CNRIP1: variants seen among roughly 807,000 people sequenced by gnomAD.
CNRIP1 encodes CB1 cannabinoid receptor-interacting protein 1.
CNRIP1 carries 10 observed loss-of-function variants against 15.2 expected under a neutral mutation model. The observed-to-expected ratio is 0.66, with a 90% CI of 0.41 to 1.12. The LOEUF is 1.12. Among genes scored for constraint, CNRIP1 ranks in the 50% most tolerant of loss-of-function variants. The pLI, the probability that CNRIP1 is intolerant of heterozygous loss-of-function variation, is 0.00. For synonymous variants in CNRIP1, 91 were observed against 83.2 expected, an observed-to-expected ratio of 1.09 and a Z score of -0.51; for missense variants, 211 against 214.7, an observed-to-expected ratio of 0.98 and a Z score of 0.11.
intron 2 of CNRIP1, among the ~76,000 whole-genome samples, chr2:68,296,188 T>C (rs1367803234): frequency 3.9e-5 from 6 of 152,362 alleles, no homozygotes. Flanking sequence ...AAGTATTTAA[T>C]ACAGTTTTTA....
intron 2 of CNRIP1, among the ~76,000 whole-genome samples, chr2:68,301,436 T>C (rs537738199): frequency 2.6e-4 from 40 of 152,046 alleles, no homozygotes; most frequent in Non-Finnish European, 5.1e-4. Context: ...AAAGACCGAG[T>C]GGTTTCCCTG....
At chr2:68,318,892 C>T (rs1261592773) in intron 1 of CNRIP1, among the ~76,000 whole-genome samples, 3 of 152,256 alleles carry the variant, frequency 2.0e-5, no homozygotes, top group African/African-American at 7.2e-5. Context: ...CCACCCCGAC[C>T]GCCTGCGGTT....
rs1193368616 is a variant in CNRIP1 at position 68,293,825 on chromosome 2, T to C, written c.*37A>G. 13 of 1,600,352 alleles carry C rather than the reference T, an allele frequency of 8.1e-6. No homozygotes were observed. The highest frequency in any genetic ancestry group is 1.3e-5 in the African/African-American group (1 of 74,424). On this transcript the variant is annotated 3_prime_UTR_variant, in exon 3 of 3. Coordinates refer to ENST00000263655, the MANE Select transcript of CNRIP1 (RefSeq NM_015463.3). ...GCTGGTTTATCTAAAAGTAGATTTC[T>C]GAAAAGATTGTCCAGTAGCATCAGA...
At chr2:68,284,566 C>T (rs1670981528) in intron 2 of CNRIP1, 1 of 843,476 alleles carries the variant, frequency 1.2e-6, no homozygotes, top group East Asian at 2.8e-5. Flanking sequence ...AATCCCAGCA[C>T]TTTGGGAGGC....
intron 2 of CNRIP1, among the ~76,000 whole-genome samples, chr2:68,298,404 G>A (rs1671468420): frequency 6.6e-6 from 1 of 152,014 alleles, no homozygotes; most frequent in African/African-American, 2.4e-5. Context: ...CTAGGTAACA[G>A]AGAAACAACA....
chr2:68,310,712 T>TAAAA (rs34235316), intron 2 of CNRIP1, among the ~76,000 whole-genome samples: 3 of 144,952 alleles, frequency 2.1e-5, no homozygotes, highest in Admixed American at 6.8e-5. Flanking sequence ...TGACCCATAT[T>TAAAA]AAAAAAAAAA....
rs182132918 is a variant in CNRIP1 at position 68,287,741 on chromosome 2, G to T, written c.331-3257C>A. 1.9e-3 allele frequency among the ~76,000 whole-genome samples: 291 copies of T among 152,336 alleles called. 1 individual carries two copies. Among genetic ancestry groups the T allele is most frequent in the African/African-American group, 6.7e-3 (280 of 41,576 alleles). ...CATTGGCCAGAGCTACCAGCACATG[G>T]CCTTAGCCCAGGCCATGGAGGTCAG... On this transcript the variant is annotated intron_variant, in intron 2 of 2. Coordinates refer to the CNRIP1 transcript ENST00000409559.
chr2:68,285,668 A>AAAAGAAAG (rs1553413242), intron 2 of CNRIP1, among the ~76,000 whole-genome samples: 3 of 124,458 alleles, frequency 2.4e-5, no homozygotes, highest in East Asian at 4.5e-4. Flanking sequence ...AAAAAAAAAA[A>AAAAGAAAG]AAAAGAAAAG....
intron 2 of CNRIP1, among the ~76,000 whole-genome samples, chr2:68,310,648 C>A (rs1296796685): frequency 1.3e-5 from 2 of 149,992 alleles, no homozygotes; most frequent in African/African-American, 2.5e-5. Context: ...AAACTATCCA[C>A]AATGTTAAGT....
intron 2 of CNRIP1, among the ~76,000 whole-genome samples, chr2:68,287,044 C>T (rs1293742847): frequency 6.6e-6 from 1 of 152,100 alleles, no homozygotes; most frequent in Non-Finnish European, 1.5e-5. Flanking sequence ...AAAACTAGGT[C>T]AGTCATAATT....
intron 2 of CNRIP1, among the ~76,000 whole-genome samples, chr2:68,297,940 A>G (rs1213746787): frequency 2.0e-5 from 3 of 152,188 alleles, no homozygotes; most frequent in Admixed American, 6.5e-5. Flanking sequence ...AAGTAAAGAA[A>G]TTGAATTTTT....
intron 1 of CNRIP1, among the ~76,000 whole-genome samples, chr2:68,317,852 T>G (rs746226561): frequency 5.9e-5 from 9 of 152,176 alleles, no homozygotes; most frequent in Admixed American, 2.6e-4. Context: ...AGCATCTGTG[T>G]TTTAACAAGC....
rs987311306 is a variant in CNRIP1 at position 68,310,242 on chromosome 2, C to T, written c.330+6915G>A. Among the ~76,000 whole-genome samples, 10 of 152,304 alleles carry T rather than the reference C, an allele frequency of 6.6e-5. No homozygotes were observed. In the East Asian group the frequency reaches 1.4e-3, roughly 21 times the overall value. Reference sequence around the variant, plus strand: ...ACTCTGGCGGCTGAGGCAGGAGAATCGCTTGAACCTGGGAGGTGGAGGCTG... The same window carrying T: ...ACTCTGGCGGCTGAGGCAGGAGAATTGCTTGAACCTGGGAGGTGGAGGCTG... On this transcript the variant is annotated intron_variant, in intron 2 of 2. Coordinates refer to ENST00000263655, the MANE Select transcript of CNRIP1 (RefSeq NM_015463.3).
chr2:68,311,058 C>A (rs1287252229), intron 2 of CNRIP1, among the ~76,000 whole-genome samples: 3 of 151,934 alleles, frequency 2.0e-5, no homozygotes, highest in Non-Finnish European at 2.9e-5. Flanking sequence ...TAATACCAAG[C>A]TTTTCAACAT....
At chr2:68,288,015 C>A (rs1671073002), downstream of CNRIP1, among the ~76,000 whole-genome samples, 7 of 152,192 alleles carry the variant, frequency 4.6e-5, 1 homozygote, top group South Asian at 1.5e-3. Flanking sequence ...AGAACTAACC[C>A]CGTAAAGGCT....
chr2:68,307,100 C>A (rs1283710469), intron 2 of CNRIP1, among the ~76,000 whole-genome samples: 2 of 152,166 alleles, frequency 1.3e-5, no homozygotes, highest in African/African-American at 4.8e-5. Context: ...TTTACAGTTG[C>A]AATTATTTAA....
At chr2:68,308,754 AAC>A (rs1408508910) in intron 2 of CNRIP1, among the ~76,000 whole-genome samples, 1 of 152,202 alleles carries the variant, frequency 6.6e-6, no homozygotes, top group Non-Finnish European at 1.5e-5. Flanking sequence ...AAATTAAAAA[AAC>A]ACAGATTGTC....
intron 2 of CNRIP1, among the ~76,000 whole-genome samples, chr2:68,308,609 G>T (rs1375345742): frequency 6.6e-6 from 1 of 151,762 alleles, no homozygotes; most frequent in Non-Finnish European, 1.5e-5. Context: ...ATTTTACAAA[G>T]AATTTAAGAA....
chr2:68,284,998 A>G (rs1241438298), intron 2 of CNRIP1, among the ~76,000 whole-genome samples: 2 of 152,188 alleles, frequency 1.3e-5, no homozygotes, highest in East Asian at 3.9e-4. Flanking sequence ...TCACTAATAC[A>G]CTGCATTTCT....
Sources: allele counts gnomAD v4.1 joint callset (sites outside exome capture counted in the v4.1 genomes callset), GRCh38; gene constraint gnomAD v4.1.1; transcripts MANE v1.5; gene names NCBI Gene and HGNC (gene_info 2026-07-23, HGNC 2026-07-21).